The following EXOC6B variants were observed in gnomAD, a reference collection of about 807,000 sequenced individuals.
EXOC6B encodes SEC15 homolog B.
A neutral mutation model predicts 113.5 loss-of-function variants in EXOC6B; 54 were observed. The observed-to-expected ratio is 0.48, with a 90% CI of 0.38 to 0.60. EXOC6B has a LOEUF of 0.60. Ranked by LOEUF, EXOC6B falls within the 20% of genes least tolerant of loss-of-function variation. The pLI, the probability that EXOC6B is intolerant of heterozygous loss-of-function variation, is 0.00. For synonymous variants in EXOC6B, 357 were observed against 339.0 expected (o/e 1.05, Z -0.58); for missense variants, 797 against 977.5 (o/e 0.82, Z 2.46).
intron 1 of EXOC6B, among the ~76,000 whole-genome samples, chr2:72,770,789 G>A (rs2104944628): frequency 6.6e-6 from 1 of 152,104 alleles, no homozygotes; most frequent in East Asian, 1.9e-4. Flanking sequence ...GTTGCCCTTG[G>A]GTGAGAAATC....
chr2:72,691,973 T>TGC (rs1249681681), intron 6 of EXOC6B, among the ~76,000 whole-genome samples: 1 of 152,018 alleles, frequency 6.6e-6, no homozygotes, highest in African/African-American at 2.4e-5. Flanking sequence ...TGTTTGCCAC[T>TGC]GCGCCCAGCC....
At chr2:72,458,824 G>A (rs1697423008) in intron 18 of EXOC6B, among the ~76,000 whole-genome samples, 1 of 152,058 alleles carries the variant, frequency 6.6e-6, no homozygotes, top group South Asian at 2.1e-4. Context: ...GTTAAAGTAA[G>A]GAGTACAAAG....
chr2:72,801,909 C>A (rs944215454), intron 1 of EXOC6B, among the ~76,000 whole-genome samples: 2 of 152,302 alleles, frequency 1.3e-5, no homozygotes, highest in Non-Finnish European at 1.5e-5. Context: ...ACTCATACTG[C>A]CTTTCTGGAA....
At chr2:72,417,699 A>T (rs746904783) in intron 18 of EXOC6B, among the ~76,000 whole-genome samples, 1 of 152,180 alleles carries the variant, frequency 6.6e-6, no homozygotes, top group African/African-American at 2.4e-5. Flanking sequence ...AAAAATGTAT[A>T]TGTTTAGTCT....
At chr2:72,191,442 G>T (rs932551751) in intron 20 of EXOC6B, among the ~76,000 whole-genome samples, 10 of 152,178 alleles carry the variant, frequency 6.6e-5, no homozygotes, top group Admixed American at 5.2e-4. Flanking sequence ...GTAGACAAGT[G>T]GTAGAGACAG....
chr2:72,337,972 A>G lies in EXOC6B; in HGVS notation c.2123-2952T>C, dbSNP rs190637696. On this transcript the variant is annotated intron_variant, in intron 19 of 21. Transcript: ENST00000272427. ...TGGGCACATGTACTCTTCACTGCCA[A>G]TGAAAATCTCTGGATTATAAGGGGT... Among the ~76,000 whole-genome samples the G allele has an allele frequency of 2.9e-3, 448 of 152,298 alleles. 2 individuals carry two copies. Among genetic ancestry groups the G allele is most frequent in the Middle Eastern group, 0.01 (3 of 294 alleles).
At chr2:72,241,306 T>C (rs1682297702) in intron 20 of EXOC6B, among the ~76,000 whole-genome samples, 1 of 151,960 alleles carries the variant, frequency 6.6e-6, no homozygotes, top group South Asian at 2.1e-4. Context: ...CAAATGTCAA[T>C]GGAAACTTCA....
intron 6 of EXOC6B, among the ~76,000 whole-genome samples, chr2:72,609,473 C>G (rs1466752311): frequency 6.6e-6 from 1 of 151,280 alleles, no homozygotes; most frequent in African/African-American, 2.4e-5. Flanking sequence ...CTGCCAAATC[C>G]CCCTCTGCGA....
chr2:72,412,790 A>T (rs1047875030), intron 18 of EXOC6B, among the ~76,000 whole-genome samples: 3 of 152,158 alleles, frequency 2.0e-5, no homozygotes, highest in African/African-American at 7.2e-5. Context: ...TTTTAGAAGT[A>T]CTCCAGCTCA....
chr2:72,192,664 C>A (rs1678921232), intron 20 of EXOC6B, among the ~76,000 whole-genome samples: 1 of 152,144 alleles, frequency 6.6e-6, no homozygotes, highest in Non-Finnish European at 1.5e-5. Context: ...GGCATGCAGA[C>A]AGACACAGAT....
chr2:72,347,375 C>T (rs1689399741), intron 19 of EXOC6B, among the ~76,000 whole-genome samples: 2 of 152,066 alleles, frequency 1.3e-5, no homozygotes, highest in South Asian at 4.2e-4. Flanking sequence ...TTAATTTTAT[C>T]CATGTGTTTG....
intron 20 of EXOC6B, among the ~76,000 whole-genome samples, chr2:72,285,168 A>G (rs1433502754): frequency 6.6e-6 from 1 of 152,102 alleles, no homozygotes; most frequent in African/African-American, 2.4e-5. Flanking sequence ...AGCCAACACA[A>G]TATCAAAGAA....
At chr2:72,410,929 T>TG (rs1667841094) in intron 18 of EXOC6B, among the ~76,000 whole-genome samples, 1 of 152,092 alleles carries the variant, frequency 6.6e-6, no homozygotes, top group South Asian at 2.1e-4. Flanking sequence ...AAATTACAGG[T>TG]GAGGCACAGT....
intron 20 of EXOC6B, among the ~76,000 whole-genome samples, chr2:72,270,475 A>C (rs1282389635): frequency 2.6e-5 from 4 of 152,142 alleles, no homozygotes; most frequent in Non-Finnish European, 4.4e-5. Flanking sequence ...AAGACTAAAA[A>C]ATTTGAACTC....
chr2:72,753,406 T>C (rs1682189542), intron 1 of EXOC6B, among the ~76,000 whole-genome samples: 1 of 152,042 alleles, frequency 6.6e-6, no homozygotes, highest in South Asian at 2.1e-4. Flanking sequence ...TCCTCATAAC[T>C]AGTCACCAAG....
intron 20 of EXOC6B, among the ~76,000 whole-genome samples, chr2:72,204,984 T>C (rs141957374): frequency 1.3e-5 from 2 of 152,192 alleles, no homozygotes; most frequent in East Asian, 3.9e-4. Context: ...ATAGCTGAGG[T>C]GCTCCTGGTC....
At chr2:72,567,179 A>C (rs1325712917) in intron 7 of EXOC6B, among the ~76,000 whole-genome samples, 1 of 152,056 alleles carries the variant, frequency 6.6e-6, no homozygotes. Flanking sequence ...AAACGAACCT[A>C]ATTATATATC....
At position 72,825,338 on chromosome 2, in the gene EXOC6B, A is replaced by G. The variant is rs1260299457; in HGVS notation, c.113+460T>C. Reference sequence around the variant, plus strand: ...GGATTTCCAGGGACTCGTTTCTGAGAAGTGGCTGTGATTCTGAGGCAAGAC... The same window carrying G: ...GGATTTCCAGGGACTCGTTTCTGAGGAGTGGCTGTGATTCTGAGGCAAGAC... On this transcript the variant is annotated intron_variant, in intron 1 of 21. Coordinates refer to ENST00000272427, the MANE Select transcript of EXOC6B (RefSeq NM_015189.3). This position sits in a 1 kb window ranked among gnomAD's most constrained non-coding sequence, Gnocchi z 4.4. 6.6e-6 allele frequency among the ~76,000 whole-genome samples: 1 copy of G among 152,130 alleles called. No homozygotes were observed. The highest frequency in any genetic ancestry group is 1.5e-5 in the Non-Finnish European group (1 of 68,020).
intron 20 of EXOC6B, among the ~76,000 whole-genome samples, chr2:72,186,414 T>C (rs1419005017): frequency 6.6e-6 from 1 of 152,156 alleles, no homozygotes; most frequent in African/African-American, 2.4e-5. Context: ...GTACTGAGAG[T>C]ACCCCTTGTT....
Sources: allele counts gnomAD v4.1 joint callset (sites outside exome capture counted in the v4.1 genomes callset), GRCh38; gene constraint gnomAD v4.1.1; non-coding constraint Gnocchi (gnomAD v3.1); transcripts MANE v1.5; gene names NCBI Gene and HGNC (gene_info 2026-07-23, HGNC 2026-07-21).